ANK2: variants seen among roughly 807,000 people sequenced by gnomAD.
The protein encoded by ANK2 is ankyrin 2, also known as ankyrin-2.
Under a neutral mutation model 360.5 loss-of-function variants are expected in ANK2, and 83 were observed. The ratio of observed to expected loss-of-function variants is 0.23; its 90% CI spans 0.19 to 0.28. The LOEUF (loss-of-function observed/expected upper bound fraction) is 0.28, where lower values mean the gene tolerates loss of function less well. Among genes scored for constraint, ANK2 ranks in the 10% least tolerant of loss-of-function variants. ANK2 has a pLI of 1.00. For missense variants in ANK2, 4,201 were observed against 4,795.7 expected (o/e 0.88, Z 3.66); for synonymous variants, 1,740 against 1,759.5 (o/e 0.99, Z 0.28).
intron 15 of ANK2, 132 bp from the exon 16 acceptor site, chr4:113,277,705 A>G: frequency 2.8e-6 from 2 of 708,760 alleles, no homozygotes; most frequent in Non-Finnish European, 5.0e-6. Flanking sequence ...CATGGCTAAC[A>G]GATTTAATGC....
intron 24 of ANK2, among the ~76,000 whole-genome samples, chr4:113,315,403 T>C (rs2082206783): frequency 6.6e-6 from 1 of 152,202 alleles, no homozygotes; most frequent in Non-Finnish European, 1.5e-5. Context: ...AAGGTTTTAT[T>C]TGAGGTACCA....
chr4:112,788,138 C>T, the ANK2 span: 72 of 1,582,126 alleles, frequency 4.6e-5, no homozygotes, highest in Non-Finnish European at 5.2e-5. Flanking sequence ...CTTGGCAATG[C>T]GAGCCACAGA....
In ANK2 at chr4:113,128,496, TA is replaced by T. The variant is rs547003108; in HGVS notation, c.85-45919del. 6.6e-5 allele frequency among the ~76,000 whole-genome samples: 10 copies of T among 152,336 alleles called. No individual in the cohort carries two copies. The South Asian group carries it at 1.2e-3, about 19-fold the overall frequency. ...TCATATGAACTCGTTGTTATTTATT[TA>T]TTTTTTTTATGAGACGAAGTCTCAC... On this transcript the variant is annotated intron_variant, in intron 1 of 45. Coordinates refer to ENST00000357077, the MANE Select transcript of ANK2 (RefSeq NM_001148.6).
chr4:113,370,398 C>T (rs2096688242), intron 43 of ANK2, among the ~76,000 whole-genome samples: 2 of 151,968 alleles, frequency 1.3e-5, no homozygotes, highest in Non-Finnish European at 2.9e-5. Context: ...CATAAGATTG[C>T]ATCATAGCGC....
intron 2 of ANK2, among the ~76,000 whole-genome samples, chr4:112,943,144 G>A (rs991062277): frequency 2.0e-5 from 3 of 151,930 alleles, no homozygotes; most frequent in Admixed American, 2.0e-4. Context: ...TCTAAATATG[G>A]TAATGAACCT....
intron 2 of ANK2, among the ~76,000 whole-genome samples, chr4:113,187,095 A>G (rs989750675): frequency 1.3e-5 from 2 of 152,100 alleles, no homozygotes; most frequent in Non-Finnish European, 2.9e-5. Flanking sequence ...AAAAAAAAAA[A>G]AGAAAGCTCT....
At chr4:113,052,695 A>G (rs1235209927) in intron 1 of ANK2, among the ~76,000 whole-genome samples, 1 of 152,188 alleles carries the variant, frequency 6.6e-6, no homozygotes, top group South Asian at 2.1e-4. Context: ...TCCACTCAGA[A>G]ACCACAAGGA....
the ANK2 span, among the ~76,000 whole-genome samples, chr4:112,742,079 AC>A: frequency 6.6e-6 from 1 of 151,904 alleles, no homozygotes; most frequent in African/African-American, 2.4e-5. Flanking sequence ...ACTGCTTGAG[AC>A]CAGGAGTTCA....
At chr4:112,996,114 AT>A (rs1387464662) in intron 2 of ANK2, among the ~76,000 whole-genome samples, 1 of 152,228 alleles carries the variant, frequency 6.6e-6, no homozygotes, top group Non-Finnish European at 1.5e-5. Context: ...AAGATAAACT[AT>A]TAATACATGC....
intron 1 of ANK2, among the ~76,000 whole-genome samples, chr4:112,831,872 T>A (rs2059828136): frequency 6.6e-6 from 1 of 151,860 alleles, no homozygotes; most frequent in Admixed American, 6.6e-5. Context: ...ACTGTAACAC[T>A]CATTGTGAAG....
chr4:112,769,251 A>G, the ANK2 span, among the ~76,000 whole-genome samples: 7 of 152,318 alleles, frequency 4.6e-5, no homozygotes, highest in Admixed American at 2.6e-4. Flanking sequence ...TAGAAAACTA[A>G]AAGAGATTGG....
chr4:112,764,134 G>A, the ANK2 span, among the ~76,000 whole-genome samples: 6 of 151,216 alleles, frequency 4.0e-5, no homozygotes, highest in Admixed American at 2.0e-4. Context: ...TAGTAGAGAC[G>A]GGGTTTCACC....
the ANK2 span, among the ~76,000 whole-genome samples, chr4:112,785,249 G>A: frequency 6.6e-6 from 1 of 152,062 alleles, no homozygotes; most frequent in African/African-American, 2.4e-5. Flanking sequence ...ACCTCCCCTT[G>A]ATCCTTAATA....
chr4:113,012,289 C>A (rs2055013766), intron 2 of ANK2, among the ~76,000 whole-genome samples: 1 of 152,128 alleles, frequency 6.6e-6, no homozygotes, highest in Non-Finnish European at 1.5e-5. Context: ...GATTTCTGAG[C>A]TGTAATTGTC....
intron 1 of ANK2, chr4:113,145,926 G>A (rs752401219): frequency 6.2e-6 from 8 of 1,289,708 alleles, no homozygotes; most frequent in Non-Finnish European, 8.1e-6. Flanking sequence ...AAGAGCACAA[G>A]GAAACATGCA....
At chr4:113,057,582 A>T (rs1004623193) in intron 1 of ANK2, among the ~76,000 whole-genome samples, 3 of 152,136 alleles carry the variant, frequency 2.0e-5, no homozygotes, top group African/African-American at 7.2e-5. Context: ...TTGATGACTG[A>T]GCCTGTGTCC....
At chr4:113,216,891 A>ATT (rs57900954) in intron 4 of ANK2, among the ~76,000 whole-genome samples, 4,199 of 147,670 alleles carry the variant, frequency 0.028, 98 homozygotes, top group East Asian at 0.068. Flanking sequence ...TTCAAACACT[A>ATT]TTTTTTTTTT....
intron 1 of ANK2, among the ~76,000 whole-genome samples, chr4:113,096,253 T>C (rs2090982328): frequency 6.6e-6 from 1 of 152,182 alleles, no homozygotes. Context: ...AGTCTCCTCA[T>C]CAATCAGGAT....
rs2095795612 is a variant in ANK2 at position 113,356,597 on chromosome 4, T to A, written c.7979T>A (p.Val2660Glu). The A allele has an allele frequency of 3.1e-6, 5 of 1,614,010 alleles. No homozygotes were observed. The highest frequency in any genetic ancestry group is 4.2e-6 in the Non-Finnish European group (5 of 1,179,942). ...PVLVTSESRKVSSSSESEPEL... is the reference protein window; with the variant it reads ...PVLVTSESRKESSSSESEPEL... ...TTAGTAACTTCGGAGAGCAGGAAGGTGTCTTCCTCCTCAGAAAGTGAACCT... is the reference window on the plus strand; with the variant it reads ...TTAGTAACTTCGGAGAGCAGGAAGGAGTCTTCCTCCTCAGAAAGTGAACCT... Residue 2660 changes from valine to glutamate, a missense_variant, in exon 38 of 46, where the codon GTG (valine) becomes GAG (glutamate). Physicochemically the swap from Val to Glu is moderately radical, Grantham distance 121 (BLOSUM62 -2). Around this residue, in one of 4 missense-constraint regions of ANK2, gnomAD observed 2,642 missense variants for 2,714.5 expected, o/e 0.97. Transcript: ENST00000357077.
Sources: allele counts gnomAD v4.1 joint callset (sites outside exome capture counted in the v4.1 genomes callset), GRCh38; gene constraint gnomAD v4.1.1; regional missense constraint gnomAD v4.1.1; transcripts MANE v1.5; gene names NCBI Gene and HGNC (gene_info 2026-07-23, HGNC 2026-07-21).